The following DLG2 variants were observed in gnomAD, a reference collection of about 807,000 sequenced individuals.
DLG2 encodes the protein discs large MAGUK scaffold protein 2.
In DLG2, 45 loss-of-function variants were observed where a neutral mutation model predicts 132.5. That is an observed-to-expected ratio of 0.34 (90% CI 0.27 to 0.44). The LOEUF is 0.44. Among genes scored for constraint, DLG2 ranks in the 20% least tolerant of loss-of-function variants. The pLI, the probability that DLG2 is intolerant of heterozygous loss-of-function variation, is 1.00. For synonymous variants in DLG2, 424 were observed against 419.6 expected (o/e 1.01, Z -0.13); for missense variants, 1,045 against 1,196.9 (o/e 0.87, Z 1.87).
intron 7 of DLG2, among the ~76,000 whole-genome samples, chr11:84,425,035 A>G (rs2098961966): frequency 6.6e-6 from 1 of 152,146 alleles, no homozygotes; most frequent in Non-Finnish European, 1.5e-5. Flanking sequence ...TTTCCAATCT[A>G]TACCTAAACT....
chr11:84,930,852 C>A (rs1163537969), intron 6 of DLG2, among the ~76,000 whole-genome samples: 1 of 152,088 alleles, frequency 6.6e-6, no homozygotes. Flanking sequence ...CCATATCAAG[C>A]TACTACTATC....
chr11:84,712,044 T>C (rs1445624850), intron 6 of DLG2, among the ~76,000 whole-genome samples: 1 of 152,074 alleles, frequency 6.6e-6, no homozygotes, highest in Non-Finnish European at 1.5e-5. Flanking sequence ...ATACAATTAT[T>C]AAGTATTACA....
chr11:84,771,588 C>T (rs866573949), intron 6 of DLG2, among the ~76,000 whole-genome samples: 8 of 152,098 alleles, frequency 5.3e-5, no homozygotes, highest in Admixed American at 2.6e-4. Context: ...AATTACCCAG[C>T]CTCAGGTATT....
chr11:83,585,957 G>C (rs2097078001), intron 19 of DLG2, among the ~76,000 whole-genome samples: 1 of 152,306 alleles, frequency 6.6e-6, no homozygotes, highest in East Asian at 1.9e-4. Flanking sequence ...AAAATGTCAA[G>C]AGACAAAGAG....
rs563867583 is a variant in DLG2, at chr11:84,727,318, G to C, written c.358-192587C>G. On this transcript the variant is annotated intron_variant, in intron 6 of 27. Coordinates refer to ENST00000376104, the MANE Select transcript of DLG2 (RefSeq NM_001142699.3). ...AGTGTCAGTTTTCTGCATATGGCTT[G>C]CCAGTTTTCCCAATGCCATTTATTA... Among the ~76,000 whole-genome samples the C allele has an allele frequency of 1.2e-3, 187 of 152,236 alleles. 1 individual carries two copies. Among genetic ancestry groups the C allele is most frequent in the African/African-American group, 4.4e-3 (183 of 41,536 alleles).
chr11:84,643,018 A>G (rs2099669888), intron 6 of DLG2, among the ~76,000 whole-genome samples: 3 of 152,002 alleles, frequency 2.0e-5, no homozygotes. Flanking sequence ...GATTAAAGAG[A>G]TATCTTTCAT....
At position 85,195,635 on chromosome 11, in the gene DLG2, T is replaced by C. The variant is rs559454270; in HGVS notation, c.187-40984A>G. On this transcript the variant is annotated intron_variant, in intron 4 of 27. Coordinates refer to ENST00000376104, the MANE Select transcript of DLG2 (RefSeq NM_001142699.3). ...GCCTCCAGGGTTCACGTCATTCTCC[T>C]GCCTCAGCCTCCCGAGTAGCTGGGA... Among the ~76,000 whole-genome samples the C allele has an allele frequency of 1.4e-4, 21 of 150,844 alleles. No individual in the cohort carries two copies. The South Asian group carries it at 3.6e-3, about 26-fold the overall frequency.
chr11:84,579,673 G>A (rs2099511816), intron 6 of DLG2, among the ~76,000 whole-genome samples: 1 of 152,122 alleles, frequency 6.6e-6, no homozygotes, highest in Non-Finnish European at 1.5e-5. Flanking sequence ...AAGTAATGAA[G>A]GTTATGATAT....
chr11:84,824,923 C>T (rs372166119), intron 6 of DLG2, among the ~76,000 whole-genome samples: 6 of 151,866 alleles, frequency 4.0e-5, no homozygotes, highest in Non-Finnish European at 7.4e-5. Flanking sequence ...TTGTTCTCCA[C>T]GAGACACATT....
intron 4 of DLG2, among the ~76,000 whole-genome samples, chr11:85,254,161 G>T (rs932662288): frequency 3.3e-5 from 5 of 152,150 alleles, no homozygotes; most frequent in Non-Finnish European, 5.9e-5. Flanking sequence ...CAATTTCACT[G>T]CCTCCTGTCC....
At chr11:85,602,428 G>C (rs2080233053) in intron 2 of DLG2, among the ~76,000 whole-genome samples, 1 of 151,010 alleles carries the variant, frequency 6.6e-6, no homozygotes, top group Non-Finnish European at 1.5e-5. Flanking sequence ...TGTTTGTTTT[G>C]TTTTTTGTTT....
chr11:83,839,932 T>A (rs1437519738), intron 16 of DLG2, among the ~76,000 whole-genome samples: 1 of 152,164 alleles, frequency 6.6e-6, no homozygotes, highest in African/African-American at 2.4e-5. Flanking sequence ...ACTCCCAACT[T>A]GAAGTCTCCT....
chr11:85,280,749 G>A (rs1360796117), intron 4 of DLG2, among the ~76,000 whole-genome samples: 2 of 151,992 alleles, frequency 1.3e-5, no homozygotes, highest in African/African-American at 4.8e-5. Context: ...AGGGTGATAT[G>A]CACCTCAGTA....
rs540671752 is a variant in DLG2, at chr11:85,483,648, T to C, written c.40+115009A>G. On this transcript the variant is annotated intron_variant, in intron 3 of 27. Transcript: ENST00000376104. ...TTAGTATGAAGGTTAAAAGACAATC[T>C]ATTAAGAATAATAGGCCAGGCGTGG... 5.9e-5 allele frequency among the ~76,000 whole-genome samples: 9 copies of C among 152,274 alleles called. No individual in the cohort carries two copies. In the South Asian group the frequency reaches 1.7e-3, roughly 28 times the overall value.
intron 6 of DLG2, among the ~76,000 whole-genome samples, chr11:84,834,575 A>C (rs1316080531): frequency 6.6e-6 from 1 of 151,642 alleles, no homozygotes; most frequent in Non-Finnish European, 1.5e-5. Flanking sequence ...TGAATGGTGA[A>C]GTAATGGGGA....
intron 6 of DLG2, among the ~76,000 whole-genome samples, chr11:84,909,595 TCTACGGCCCAATTATGTA>T (rs1408082722): frequency 1.3e-5 from 2 of 152,210 alleles, no homozygotes; most frequent in East Asian, 3.9e-4. Flanking sequence ...CTTCTGGTCA[TCTACGGCCCAATTATGTA>T]CTACTGCTCT....
At chr11:84,035,733 G>C (rs896746951) in intron 11 of DLG2, among the ~76,000 whole-genome samples, 1 of 152,184 alleles carries the variant, frequency 6.6e-6, no homozygotes, top group African/African-American at 2.4e-5. Context: ...TGTGTGAAGA[G>C]ACTGTAGAGG....
At chr11:84,931,099 C>T (rs1410529816) in intron 6 of DLG2, among the ~76,000 whole-genome samples, 1 of 152,112 alleles carries the variant, frequency 6.6e-6, no homozygotes, top group Non-Finnish European at 1.5e-5. Flanking sequence ...TTCCCCTCCT[C>T]TTGAAACACC....
chr11:84,406,692 T>C (rs114804796), intron 7 of DLG2, among the ~76,000 whole-genome samples: 2 of 152,230 alleles, frequency 1.3e-5, no homozygotes, highest in Admixed American at 6.5e-5. Context: ...CCTTTTTCAA[T>C]TCTGGAGGGA....
Sources: gnomAD v4.1 joint callset for allele counts (sites outside exome capture counted in the v4.1 genomes callset) on GRCh38, gnomAD v4.1.1 for gene constraint, MANE v1.5 for transcripts, NCBI Gene and HGNC (gene_info 2026-07-23, HGNC 2026-07-21) for gene names.